Variants in SRD5A2 observed in about 807,000 individuals in gnomAD.
The protein encoded by SRD5A2 is 3-oxo-5-alpha-steroid 4-dehydrogenase 2.
SRD5A2 carries 30 observed loss-of-function variants against 27.4 expected under a neutral mutation model. That is an observed-to-expected ratio of 1.10 (90% confidence interval 0.82 to 1.49). SRD5A2 has a LOEUF of 1.49. Among genes scored for constraint, SRD5A2 ranks in the 40% most tolerant of loss-of-function variants. The pLI is 0.00. For missense variants in SRD5A2, 348 were observed against 323.4 expected, an observed-to-expected ratio of 1.08 and a Z score of -0.58; for synonymous variants, 141 against 133.6, an observed-to-expected ratio of 1.06 and a Z score of -0.38.
chr2:31,545,508 CA>C (rs1666229813), intron 1 of SRD5A2, among the ~76,000 whole-genome samples: 1 of 152,086 alleles, frequency 6.6e-6, no homozygotes, highest in South Asian at 2.1e-4. Context: ...GCAGAAAAAG[CA>C]TTTGAAAAAT....
intron 4 of SRD5A2, 58 bp from the exon 5 acceptor site, chr2:31,526,320 G>T: frequency 8.7e-7 from 1 of 1,150,146 alleles, no homozygotes; most frequent in Non-Finnish European, 1.3e-6. Context: ...GACAGCTGAG[G>T]TTTGCTCTTA....
At chr2:31,527,703 A>G (rs1463710676) in intron 4 of SRD5A2, 1 of 152,262 alleles carries the variant, frequency 6.6e-6, no homozygotes, top group Non-Finnish European at 1.5e-5. Flanking sequence ...CTGAAATGGT[A>G]AGAACTGTTA....
the SRD5A2 span, among the ~76,000 whole-genome samples, chr2:31,613,001 TA>T: frequency 6.6e-6 from 1 of 152,134 alleles, no homozygotes; most frequent in Admixed American, 6.6e-5. Context: ...TTTCATACCA[TA>T]TACAAAAATT....
At chr2:31,620,094 C>G in the SRD5A2 span, among the ~76,000 whole-genome samples, 2 of 151,848 alleles carry the variant, frequency 1.3e-5, no homozygotes, top group Admixed American at 1.3e-4. Flanking sequence ...AGTCTTTAAT[C>G]CATCTTGAGA....
chr2:31,554,897 T>C (rs1274091367), intron 1 of SRD5A2, among the ~76,000 whole-genome samples: 3 of 150,960 alleles, frequency 2.0e-5, no homozygotes, highest in African/African-American at 7.3e-5. Flanking sequence ...TGATGAATAG[T>C]CCTGGTAAGA....
chr2:31,574,905 C>T (rs1666925482), intron 1 of SRD5A2, among the ~76,000 whole-genome samples: 1 of 152,232 alleles, frequency 6.6e-6, no homozygotes, highest in Non-Finnish European at 1.5e-5. Context: ...CAACCACATT[C>T]ATCTGTTTAC....
chr2:31,570,917 G>A (rs899196674), intron 1 of SRD5A2, among the ~76,000 whole-genome samples: 1 of 152,142 alleles, frequency 6.6e-6, no homozygotes, highest in African/African-American at 2.4e-5. Flanking sequence ...TGGATAGAAA[G>A]AATCAATATT....
At chr2:31,566,243 A>G (rs535623736) in intron 1 of SRD5A2, among the ~76,000 whole-genome samples, 10 of 152,154 alleles carry the variant, frequency 6.6e-5, no homozygotes, top group Non-Finnish European at 8.8e-5. Context: ...AAATGCTCAT[A>G]TTAGAAGAAA....
At chr2:31,538,930 T>G (rs1030189231) in intron 1 of SRD5A2, among the ~76,000 whole-genome samples, 2 of 152,230 alleles carry the variant, frequency 1.3e-5, no homozygotes, top group African/African-American at 4.8e-5. Context: ...GAACAGTGCC[T>G]GGGACACAGC....
chr2:31,551,873 C>G (rs981030781), intron 1 of SRD5A2, among the ~76,000 whole-genome samples: 4 of 151,802 alleles, frequency 2.6e-5, no homozygotes, highest in Non-Finnish European at 5.9e-5. Flanking sequence ...GAATATAGGA[C>G]CCAGAAATAG....
At chr2:31,638,409 T>C in the SRD5A2 span, among the ~76,000 whole-genome samples, 1 of 152,150 alleles carries the variant, frequency 6.6e-6, no homozygotes, top group African/African-American at 2.4e-5. Flanking sequence ...TCTACAGCAG[T>C]TGGATGAAAT....
At chr2:31,574,096 G>A (rs1021332738) in intron 1 of SRD5A2, among the ~76,000 whole-genome samples, 1 of 152,198 alleles carries the variant, frequency 6.6e-6, no homozygotes, top group African/African-American at 2.4e-5. Flanking sequence ...CCTGGCGGGG[G>A]CCCGTGCTAA....
chr2:31,536,392 T>A (rs1425145817), intron 1 of SRD5A2, among the ~76,000 whole-genome samples: 1 of 152,198 alleles, frequency 6.6e-6, no homozygotes. Flanking sequence ...TTCCAAGGAA[T>A]CTTCTGCATC....
chr2:31,632,277 G>A, the SRD5A2 span, among the ~76,000 whole-genome samples: 1 of 152,156 alleles, frequency 6.6e-6, no homozygotes, highest in Non-Finnish European at 1.5e-5. Context: ...CAGGCAAGTG[G>A]ACTTTGGTGG....
At chr2:31,642,371 T>A in the SRD5A2 span, among the ~76,000 whole-genome samples, 1 of 151,998 alleles carries the variant, frequency 6.6e-6, no homozygotes, top group South Asian at 2.1e-4. Flanking sequence ...TCTGAATCTA[T>A]AGAGAACTCT....
intron 1 of SRD5A2, among the ~76,000 whole-genome samples, chr2:31,546,445 G>A (rs1666262429): frequency 1.3e-5 from 2 of 152,244 alleles, no homozygotes; most frequent in African/African-American, 4.8e-5. Context: ...ATACATCTTG[G>A]AATACTATGC....
chr2:31,538,732 A>G (rs980054308), intron 1 of SRD5A2, among the ~76,000 whole-genome samples: 7 of 152,224 alleles, frequency 4.6e-5, no homozygotes, highest in Admixed American at 3.9e-4. Context: ...CACCTTATGT[A>G]AAATAAATAA....
chr2:31,561,416 G>A (rs1271250053), intron 1 of SRD5A2, among the ~76,000 whole-genome samples: 1 of 152,200 alleles, frequency 6.6e-6, no homozygotes, highest in Non-Finnish European at 1.5e-5. Context: ...AGACAGGGCA[G>A]CCACATCCCA....
chr2:31,529,595 T>A, intron 3 of SRD5A2, 138 bp from the exon 4 acceptor site: 1 of 1,205,966 alleles, frequency 8.3e-7, no homozygotes, highest in Non-Finnish European at 1.1e-6. Context: ...TCATAGGAGT[T>A]TGGTGGAATC....
Sources: allele counts gnomAD v4.1 joint callset (sites outside exome capture counted in the v4.1 genomes callset), GRCh38; gene constraint gnomAD v4.1.1; transcripts MANE v1.5; gene names NCBI Gene and HGNC (gene_info 2026-07-23, HGNC 2026-07-21).